TRPC4: variants seen among roughly 807,000 people sequenced by gnomAD.
TRPC4 encodes the protein transient receptor potential cation channel subfamily C member 4.
Under a neutral mutation model 99.4 loss-of-function variants are expected in TRPC4, and 49 were observed. The ratio of observed to expected loss-of-function variants is 0.49; its 90% CI spans 0.39 to 0.63. The LOEUF is 0.63. Among genes scored for constraint, TRPC4 ranks in the 20% least tolerant of loss-of-function variants. The probability of loss-of-function intolerance (pLI) is 0.00; values close to 1 mark genes in which losing one functional copy is unlikely to be tolerated. For synonymous variants in TRPC4, 454 were observed against 425.9 expected (o/e 1.07, Z -0.81); for missense variants, 898 against 1,152.9 (o/e 0.78, Z 3.20).
intron 8 of TRPC4, among the ~76,000 whole-genome samples, chr13:37,640,798 G>T (rs535783930): frequency 1.3e-5 from 2 of 152,078 alleles, no homozygotes; most frequent in African/African-American, 4.8e-5. Context: ...AAAGTGAGTC[G>T]TACATCAATT....
At position 37,851,856 on chromosome 13, in the gene TRPC4, T is replaced by C. The variant is rs576461132; in HGVS notation, c.-28+17739A>G. On this transcript the variant is annotated intron_variant, in intron 1 of 10. Coordinates refer to ENST00000379705, the MANE Select transcript of TRPC4 (RefSeq NM_016179.4). ...GGAGAGCACAGCAACAGGTGGACATTACTTTGAACTCAGTGCTGCCCTGCA... is the reference window on the plus strand; with the variant it reads ...GGAGAGCACAGCAACAGGTGGACATCACTTTGAACTCAGTGCTGCCCTGCA... 2.0e-5 allele frequency among the ~76,000 whole-genome samples: 3 copies of C among 152,274 alleles called. No homozygotes were observed. The South Asian group carries it at 6.2e-4, about 32-fold the overall frequency.
intron 3 of TRPC4, among the ~76,000 whole-genome samples, chr13:37,745,451 TATATATATATATATATATATATACAC>T (rs1214227549): frequency 1.1e-3 from 3 of 2,666 alleles, no homozygotes; most frequent in African/African-American, 1.7e-3. Flanking sequence ...TATATATATA[TATATATATATATATATATATATACAC>T]ACACACACAC....
chr13:37,641,091 G>T (rs2138542019), intron 8 of TRPC4, among the ~76,000 whole-genome samples: 1 of 152,178 alleles, frequency 6.6e-6, no homozygotes, highest in East Asian at 1.9e-4. Flanking sequence ...AGTAATAAGT[G>T]AAAATTATCA....
chr13:37,790,754 C>G (rs560323777), intron 1 of TRPC4, among the ~76,000 whole-genome samples: 1 of 152,090 alleles, frequency 6.6e-6, no homozygotes, highest in African/African-American at 2.4e-5. Flanking sequence ...TTATCCTCCC[C>G]CCTTTGGTGA....
chr13:37,740,765 G>A (rs1408955149), intron 3 of TRPC4, among the ~76,000 whole-genome samples: 2 of 152,164 alleles, frequency 1.3e-5, no homozygotes, highest in Non-Finnish European at 2.9e-5. Context: ...GAGATTAAGA[G>A]AGCTTTAAAG....
At chr13:37,649,308 GT>G (rs1951945233) in intron 8 of TRPC4, among the ~76,000 whole-genome samples, 1 of 152,018 alleles carries the variant, frequency 6.6e-6, no homozygotes, top group African/African-American at 2.4e-5. Flanking sequence ...TAACATATCT[GT>G]TTTTATTTCT....
intron 3 of TRPC4, among the ~76,000 whole-genome samples, chr13:37,715,517 C>T (rs1954632357): frequency 6.6e-6 from 1 of 152,168 alleles, no homozygotes; most frequent in East Asian, 1.9e-4. Flanking sequence ...GAGCTTATTA[C>T]AGTACCAGGT....
At chr13:37,812,986 CA>C (rs1316850888) in intron 1 of TRPC4, among the ~76,000 whole-genome samples, 1 of 151,644 alleles carries the variant, frequency 6.6e-6, no homozygotes, top group Non-Finnish European at 1.5e-5. Context: ...AGTGGAACAG[CA>C]ACTCTAAAAT....
intron 3 of TRPC4, among the ~76,000 whole-genome samples, chr13:37,697,703 G>C (rs1206055411): frequency 2.6e-5 from 4 of 152,150 alleles, no homozygotes; most frequent in Admixed American, 2.6e-4. Context: ...CAACAGGAAG[G>C]CTGTTAGAGA....
At chr13:37,753,014 T>A (rs1394704071) in intron 2 of TRPC4, among the ~76,000 whole-genome samples, 2 of 151,722 alleles carry the variant, frequency 1.3e-5, no homozygotes, top group African/African-American at 4.8e-5. Flanking sequence ...ACACACAGTA[T>A]AATACTATAG....
At chr13:37,760,717 A>G (rs1416433765) in intron 2 of TRPC4, among the ~76,000 whole-genome samples, 1 of 151,954 alleles carries the variant, frequency 6.6e-6, no homozygotes, top group Admixed American at 6.6e-5. Flanking sequence ...TTTTTTTGCA[A>G]TTAAAAATAA....
intron 8 of TRPC4, among the ~76,000 whole-genome samples, chr13:37,648,005 C>A (rs746143702): frequency 1.8e-4 from 27 of 152,088 alleles, no homozygotes; most frequent in Admixed American, 2.6e-4. Flanking sequence ...TGCAGTGGTG[C>A]GATCTCGGCT....
At chr13:37,823,991 G>A (rs555142417) in intron 1 of TRPC4, among the ~76,000 whole-genome samples, 1 of 117,236 alleles carries the variant, frequency 8.5e-6, no homozygotes, top group Non-Finnish European at 1.8e-5. Context: ...CCTTCACATC[G>A]TTTGTAAGTT....
At chr13:37,697,796 C>T (rs572749388) in intron 3 of TRPC4, among the ~76,000 whole-genome samples, 4 of 152,230 alleles carry the variant, frequency 2.6e-5, no homozygotes, top group Admixed American at 6.5e-5. Flanking sequence ...ACTTGATAAA[C>T]GCTGGTTTAA....
At chr13:37,664,061 T>TTA (rs557084480) in intron 5 of TRPC4, among the ~76,000 whole-genome samples, 168 of 152,274 alleles carry the variant, frequency 1.1e-3, no homozygotes, top group Non-Finnish European at 2.0e-3. Flanking sequence ...CTTTTTACAT[T>TTA]TAATATGCAG....
In TRPC4 at chr13:37,783,036, G is replaced by C. The variant is rs922543589; in HGVS notation, c.298C>G (p.Leu100Val). 1.2e-6 allele frequency: 2 copies of C among 1,612,874 alleles called. No individual in the cohort carries two copies. Among genetic ancestry groups the C allele is most frequent in the Non-Finnish European group, 1.7e-6 (2 of 1,179,540 alleles). ...ACTTCTTTTCTGATAGCATGTAATA[G>C]AGCATCTCCAACATAGACATTAAAG... ...LSFNVYVGDALLHAIRKEVVG... is the reference protein window; with the variant it reads ...LSFNVYVGDAVLHAIRKEVVG... The change falls in exon 2 of 11, where the codon CTA becomes GTA. Residue 100 changes from leucine to valine, a missense_variant. Physicochemically the swap from Leu to Val is conservative, Grantham distance 32. Transcript: ENST00000379705.
intron 4 of TRPC4, among the ~76,000 whole-genome samples, chr13:37,677,976 C>G (rs1872762847): frequency 6.6e-6 from 1 of 152,058 alleles, no homozygotes. Context: ...TTAAATGTAC[C>G]TAGAAAATCC....
At chr13:37,695,556 G>A (rs1176384457) in intron 3 of TRPC4, among the ~76,000 whole-genome samples, 1 of 152,164 alleles carries the variant, frequency 6.6e-6, no homozygotes, top group Non-Finnish European at 1.5e-5. Context: ...TCTTTCTCTA[G>A]AGTTGTTGGC....
At chr13:37,861,834 A>G (rs1189574271) in intron 1 of TRPC4, among the ~76,000 whole-genome samples, 1 of 151,496 alleles carries the variant, frequency 6.6e-6, no homozygotes, top group Non-Finnish European at 1.5e-5. Flanking sequence ...AATGTTCTTT[A>G]TCCTTTATTT....
Sources: gnomAD v4.1 joint callset for allele counts (sites outside exome capture counted in the v4.1 genomes callset) on GRCh38, gnomAD v4.1.1 for gene constraint, MANE v1.5 for transcripts, NCBI Gene and HGNC (gene_info 2026-07-23, HGNC 2026-07-21) for gene names.